RNF212: variants seen among roughly 807,000 people sequenced by gnomAD.
RNF212 encodes the protein ring finger protein 212, also known as probable E3 SUMO-protein ligase RNF212.
A neutral mutation model predicts 34.7 loss-of-function variants in RNF212; 33 were observed. The observed-to-expected ratio is 0.95, with a 90% CI of 0.72 to 1.27. The LOEUF is 1.27. Ranked by LOEUF, RNF212 falls within the 50% of genes most tolerant of loss-of-function variation. RNF212 has a pLI of 0.00. For synonymous variants in RNF212, 140 were observed against 136.1 expected (o/e 1.03, Z -0.20); for missense variants, 377 against 362.2 (o/e 1.04, Z -0.33).
chr4:1,101,367 C>T (rs1369485841), intron 2 of RNF212: 1 of 197,574 alleles, frequency 5.1e-6, no homozygotes, highest in Non-Finnish European at 1.1e-5. Flanking sequence ...CTTTGTTGAA[C>T]TTTTCTTCTC....
At chr4:1,079,523 G>T in intron 8 of RNF212, 120 bp downstream of exon 8, 2 of 771,676 alleles carry the variant, frequency 2.6e-6, no homozygotes, top group Non-Finnish European at 2.3e-6. Flanking sequence ...ACACGAAGCA[G>T]CAGCACTGTG....
intron 2 of RNF212, among the ~76,000 whole-genome samples, chr4:1,107,838 T>C (rs898190726): frequency 6.6e-6 from 1 of 152,224 alleles, no homozygotes; most frequent in Non-Finnish European, 1.5e-5. Flanking sequence ...AAAACAACTA[T>C]TATATTTAAA....
upstream of RNF212, chr4:1,113,654 A>C (rs1726191336): frequency 6.2e-6 from 3 of 483,740 alleles, no homozygotes; most frequent in South Asian, 8.7e-5. Context: ...AGCACCTGGG[A>C]GGGCGCGTGT....
chr4:1,098,911 T>G (rs756702218), intron 2 of RNF212, among the ~76,000 whole-genome samples: 7 of 152,176 alleles, frequency 4.6e-5, no homozygotes, highest in Non-Finnish European at 1.0e-4. Flanking sequence ...AAGAGCTCCA[T>G]GGACCAGAAA....
chr4:1,068,163 G>T (rs1718212408), downstream of RNF212, among the ~76,000 whole-genome samples: 1 of 152,156 alleles, frequency 6.6e-6, no homozygotes, highest in African/African-American at 2.4e-5. Flanking sequence ...AAATTATGTT[G>T]ATAAATTAAG....
chr4:1,073,490 C>G, intron 9 of RNF212, 109 bp downstream of exon 9: 6 of 889,612 alleles, frequency 6.7e-6, no homozygotes, highest in South Asian at 4.3e-5. Context: ...GGTGGAAGGA[C>G]AGCACCCCCT....
Position 1,093,833 on chromosome 4 carries a change from G to A in RNF212, c.246+2932C>T, listed in dbSNP as rs1482749272. 2.6e-6 allele frequency: 4 copies of A among 1,536,246 alleles called. No individual in the cohort carries two copies. In the African/African-American group the frequency reaches 4.1e-5, roughly 16 times the overall value. ...TGCGTCCTGGATGGTGTTTCCCTGG[G>A]CCTCTGGCTGGCTCTGGGACCGCCG... On this transcript the variant is annotated intron_variant, in intron 3 of 9. Coordinates refer to ENST00000433731, the MANE Select transcript of RNF212 (RefSeq NM_001131034.4).
chr4:1,094,055 C>A, intron 3 of RNF212: 7 of 1,497,372 alleles, frequency 4.7e-6, no homozygotes, highest in Non-Finnish European at 6.2e-6. Flanking sequence ...AGGAAGCTCC[C>A]AGAGGAGGAC....
chr4:1,090,869 A>C, intron 3 of RNF212, 31 bp from the exon 4 acceptor site: 1 of 1,444,074 alleles, frequency 6.9e-7, no homozygotes, highest in Non-Finnish European at 9.7e-7. Context: ...AGCTGCTGAC[A>C]CAGATCCACG....
At chr4:1,099,803 C>A (rs1463920756) in intron 2 of RNF212, 1 of 456,244 alleles carries the variant, frequency 2.2e-6, no homozygotes, top group South Asian at 1.5e-5. Flanking sequence ...GCAGAGCAAT[C>A]GAGTCCACAA....
intron 2 of RNF212, among the ~76,000 whole-genome samples, chr4:1,098,971 C>T (rs1723490570): frequency 6.6e-6 from 1 of 152,168 alleles, no homozygotes; most frequent in African/African-American, 2.4e-5. Flanking sequence ...CCATGGCCTT[C>T]TGGGTGAGGG....
chr4:1,096,852 G>A lies in RNF212; in HGVS notation c.172-13C>T. Reference sequence around the variant, plus strand: ...TATCTGCGTCGGTCTGAAAGAGAAAGAAATGACTCTACATTTATTGTGTCT... The same window carrying A: ...TATCTGCGTCGGTCTGAAAGAGAAAAAAATGACTCTACATTTATTGTGTCT... On this transcript the variant is annotated splice_polypyrimidine_tract_variant and intron_variant, in intron 2 of 9. Transcript: ENST00000433731. The A allele has an allele frequency of 6.3e-7, 1 of 1,576,438 alleles. No individual in the cohort carries two copies.
At chr4:1,097,926 G>T (rs1402096339) in intron 2 of RNF212, among the ~76,000 whole-genome samples, 2 of 152,146 alleles carry the variant, frequency 1.3e-5, no homozygotes, top group Non-Finnish European at 2.9e-5. Flanking sequence ...TTACCTGGGC[G>T]TGATGGCAGG....
chr4:1,058,911 T>A (rs1577599369), intron 3 of RNF212, among the ~76,000 whole-genome samples: 1 of 152,358 alleles, frequency 6.6e-6, no homozygotes, highest in Non-Finnish European at 1.5e-5. Flanking sequence ...CCTTGGCTCC[T>A]GCTACCCTGA....
chr4:1,068,577 G>C (rs1718241826), downstream of RNF212, among the ~76,000 whole-genome samples: 1 of 152,188 alleles, frequency 6.6e-6, no homozygotes, highest in Non-Finnish European at 1.5e-5. Context: ...TTGCTTCAAT[G>C]TTATGTTTTG....
chr4:1,106,957 A>G (rs920694732), intron 2 of RNF212, among the ~76,000 whole-genome samples: 2 of 152,232 alleles, frequency 1.3e-5, no homozygotes, highest in Admixed American at 1.3e-4. Flanking sequence ...CGAAAAACCG[A>G]AAAAATCCAA....
chr4:1,065,749 G>T (rs1345227899), intron 3 of RNF212, among the ~76,000 whole-genome samples: 2 of 144,902 alleles, frequency 1.4e-5, no homozygotes. Context: ...ACCACACCTG[G>T]CTAGTTTTGG....
intron 5 of RNF212, among the ~76,000 whole-genome samples, chr4:1,084,211 A>G (rs1319651155): frequency 6.6e-6 from 1 of 152,112 alleles, no homozygotes; most frequent in Non-Finnish European, 1.5e-5. Context: ...TTGGCCTCCC[A>G]AAGTGCTGGG....
At chr4:1,108,526 T>G (rs753268507) in intron 1 of RNF212, 122 bp from the exon 2 acceptor site, 3 of 485,506 alleles carry the variant, frequency 6.2e-6, no homozygotes, top group Non-Finnish European at 1.1e-5. Context: ...CAGGTTTTCA[T>G]GTTCTGACAG....
Sources: allele counts gnomAD v4.1 joint callset (sites outside exome capture counted in the v4.1 genomes callset), GRCh38; gene constraint gnomAD v4.1.1; transcripts MANE v1.5; gene names NCBI Gene and HGNC (gene_info 2026-07-23, HGNC 2026-07-21).